NRG1: variants seen among roughly 807,000 people sequenced by gnomAD.
The protein encoded by NRG1 is pro-neuregulin-1, membrane-bound isoform.
Under a neutral mutation model 63.8 loss-of-function variants are expected in NRG1, and 18 were observed. The ratio of observed to expected loss-of-function variants is 0.28; its 90% CI spans 0.19 to 0.42. The LOEUF is 0.42. NRG1 is among the 10% of genes least tolerant of loss of function. The pLI is 1.00. For missense variants in NRG1, 762 were observed against 814.7 expected (o/e 0.94, Z 0.79); for synonymous variants, 302 against 301.3 (o/e 1.00, Z -0.02).
At chr8:32,609,281 G>T (rs1234005335) in intron 3 of NRG1, among the ~76,000 whole-genome samples, 1 of 152,080 alleles carries the variant, frequency 6.6e-6, no homozygotes, top group East Asian at 1.9e-4. Flanking sequence ...CTAAGAATTT[G>T]CTATATTCTG....
At position 31,781,507 on chromosome 8, in the gene NRG1, C is replaced by T. The variant is rs1819683881; in HGVS notation, c.37+142076C>T. ...TTGACATAGACTCAAAAACATAAGA[C>T]GTGTACATATAATATTAAGGAGATG... is the stretch of plus-strand genomic sequence containing the variant. On this transcript the variant is annotated intron_variant, in intron 1 of 10. Transcript: ENST00000519301. 3.3e-5 allele frequency among the ~76,000 whole-genome samples: 5 copies of T among 152,232 alleles called. No homozygotes were observed. The South Asian group carries it at 6.2e-4, about 19-fold the overall frequency.
At chr8:32,566,785 T>A (rs1165821951) in intron 1 of NRG1, among the ~76,000 whole-genome samples, 1 of 152,218 alleles carries the variant, frequency 6.6e-6, no homozygotes, top group Non-Finnish European at 1.5e-5. Flanking sequence ...ATATTAATGC[T>A]TCAGAAACAA....
intron 1 of NRG1, among the ~76,000 whole-genome samples, chr8:32,230,517 T>C (rs1220487952): frequency 6.6e-6 from 1 of 152,032 alleles, no homozygotes; most frequent in African/African-American, 2.4e-5. Flanking sequence ...TCAGGGAAGT[T>C]AATCCTGAGG....
chr8:32,175,618 G>T (rs935154930), intron 1 of NRG1, among the ~76,000 whole-genome samples: 4 of 152,072 alleles, frequency 2.6e-5, no homozygotes, highest in East Asian at 1.9e-4. Flanking sequence ...TAAGCTGATA[G>T]GCAACTTCAG....
intron 1 of NRG1, among the ~76,000 whole-genome samples, chr8:32,466,652 G>A (rs1177126716): frequency 6.6e-6 from 1 of 152,114 alleles, no homozygotes; most frequent in African/African-American, 2.4e-5. Flanking sequence ...CCTCATATCA[G>A]GAATGTGCTA....
intron 5 of NRG1, among the ~76,000 whole-genome samples, chr8:32,689,217 A>G (rs1240895200): frequency 1.3e-5 from 2 of 152,162 alleles, no homozygotes; most frequent in Non-Finnish European, 2.9e-5. Flanking sequence ...AGATTCTCGT[A>G]ATATCTGCTT....
At chr8:31,764,756 T>C (rs1443406034) in intron 1 of NRG1, among the ~76,000 whole-genome samples, 1 of 152,156 alleles carries the variant, frequency 6.6e-6, no homozygotes, top group African/African-American at 2.4e-5. Flanking sequence ...TTTTTTATTA[T>C]ACTTTAAGTT....
chr8:32,251,987 T>C (rs1849169647), intron 1 of NRG1, among the ~76,000 whole-genome samples: 1 of 152,242 alleles, frequency 6.6e-6, no homozygotes, highest in South Asian at 2.1e-4. Flanking sequence ...GTTAGCCACA[T>C]AAATGTCTTC....
At chr8:32,279,772 C>A (rs1852503585) in intron 1 of NRG1, among the ~76,000 whole-genome samples, 1 of 152,188 alleles carries the variant, frequency 6.6e-6, no homozygotes, top group African/African-American at 2.4e-5. Context: ...TTCTAGGTAA[C>A]ACTAGTTTCC....
chr8:32,363,452 A>G (rs1807504703), intron 1 of NRG1, among the ~76,000 whole-genome samples: 1 of 152,210 alleles, frequency 6.6e-6, no homozygotes, highest in Admixed American at 6.5e-5. Context: ...GTATTAAAAT[A>G]CTAGTATAAT....
At position 32,394,020 on chromosome 8, in the gene NRG1, G is replaced by A. The variant is rs186940740; in HGVS notation, c.38-201808G>A. On this transcript the variant is annotated intron_variant, in intron 1 of 10. Transcript: ENST00000519301. ...ATATTTATATTCTGTAGGCCTTATC[G>A]TGCATCTCTTATTCCTTCTAAATAT... Among the ~76,000 whole-genome samples, 420 of 151,744 alleles carry A rather than the reference G, an allele frequency of 2.8e-3. 3 individuals carry two copies. Among genetic ancestry groups the A allele is most frequent in the African/African-American group, 8.8e-3 (363 of 41,328 alleles).
intron 6 of NRG1, among the ~76,000 whole-genome samples, chr8:32,729,625 C>T (rs920158247): frequency 1.3e-5 from 2 of 152,180 alleles, no homozygotes; most frequent in Admixed American, 6.5e-5. Flanking sequence ...ATGAAAAAGG[C>T]ACCAGAAATA....
intron 1 of NRG1, among the ~76,000 whole-genome samples, chr8:32,280,994 C>T (rs1276130368): frequency 6.6e-6 from 1 of 150,886 alleles, no homozygotes; most frequent in African/African-American, 2.4e-5. Flanking sequence ...CTCCTGACCT[C>T]GTGATCCACC....
rs1462647344 is a variant in NRG1, at chr8:32,616,830, T to C, written c.452-5T>C. The C allele has an allele frequency of 6.2e-7, 1 of 1,602,908 alleles. No homozygotes were observed. Among genetic ancestry groups the C allele is most frequent in the Non-Finnish European group, 8.5e-7 (1 of 1,170,088 alleles). On this transcript the variant is annotated splice_polypyrimidine_tract_variant and splice_region_variant and intron_variant, in intron 4 of 11. Transcript: ENST00000356819. ...AAAGCCTCATTCCACTTTTATGTTT[T>C]ATAGAGTCTCCCATTAGAATATCAG...
chr8:32,614,648 T>A, intron 4 of NRG1, 84 bp downstream of exon 4: 1 of 1,268,242 alleles, frequency 7.9e-7, no homozygotes, highest in Non-Finnish European at 1.1e-6. Flanking sequence ...TCAGAACCCC[T>A]TCTGCATCCA....
chr8:31,772,179 C>T (rs1422462536), intron 1 of NRG1, among the ~76,000 whole-genome samples: 2 of 152,158 alleles, frequency 1.3e-5, no homozygotes, highest in African/African-American at 2.4e-5. Context: ...AACTATCTTT[C>T]ATGATCTATC....
At position 32,396,177 on chromosome 8, in the gene NRG1, C is replaced by T. The variant is rs534618051; in HGVS notation, c.38-199651C>T. Among the ~76,000 whole-genome samples the T allele has an allele frequency of 1.7e-4, 26 of 152,162 alleles. 1 individual carries two copies. In the South Asian group the frequency reaches 5.4e-3, roughly 32 times the overall value. On this transcript the variant is annotated intron_variant, in intron 1 of 10. Transcript: ENST00000519301. ...GTAAATTAAGTCCCCCAATGTTTTT[C>T]TTTTTAGACATTTTTTTTGGCTACT... is the stretch of plus-strand genomic sequence containing the variant.
At chr8:31,753,954 A>G (rs1444447146) in intron 1 of NRG1, among the ~76,000 whole-genome samples, 1 of 152,090 alleles carries the variant, frequency 6.6e-6, no homozygotes, top group African/African-American at 2.4e-5. Context: ...GTTGAACTGA[A>G]ACACATCCTT....
intron 5 of NRG1, among the ~76,000 whole-genome samples, chr8:32,723,031 AATTT>A (rs1284207952): frequency 1.3e-5 from 2 of 152,168 alleles, no homozygotes; most frequent in African/African-American, 4.8e-5. Context: ...GTCTGGGCAG[AATTT>A]CTTTTTTTAC....
Sources: gnomAD v4.1 joint callset for allele counts (sites outside exome capture counted in the v4.1 genomes callset) on GRCh38, gnomAD v4.1.1 for gene constraint, MANE v1.5 for transcripts, NCBI Gene and HGNC (gene_info 2026-07-23, HGNC 2026-07-21) for gene names.